The following MED12L variants were observed in gnomAD, a reference collection of about 807,000 sequenced individuals.
The protein encoded by MED12L is mediator complex subunit 12L.
A neutral mutation model predicts 281.3 loss-of-function variants in MED12L; 60 were observed. That is an observed-to-expected ratio of 0.21 (90% CI 0.17 to 0.26). The LOEUF is 0.26. Ranked by LOEUF, MED12L falls within the 10% of genes least tolerant of loss-of-function variation. The pLI is 1.00. For synonymous variants in MED12L, 974 were observed against 987.2 expected, an observed-to-expected ratio of 0.99 and a Z score of 0.25; for missense variants, 2,146 against 2,680.9, an observed-to-expected ratio of 0.80 and a Z score of 4.41.
intron 11 of MED12L, among the ~76,000 whole-genome samples, chr3:151,169,824 A>G (rs1721202731): frequency 6.6e-6 from 1 of 152,194 alleles, no homozygotes; most frequent in Non-Finnish European, 1.5e-5. Context: ...CACGATAGAT[A>G]AAACATGATC....
chr3:151,293,891 TG>T (rs1744675538), intron 16 of MED12L, among the ~76,000 whole-genome samples: 1 of 152,202 alleles, frequency 6.6e-6, no homozygotes, highest in African/African-American at 2.4e-5. Context: ...CAGCTTTTCC[TG>T]GAGGATGGCC....
intron 5 of MED12L, among the ~76,000 whole-genome samples, chr3:151,143,447 A>G (rs1331827507): frequency 6.6e-6 from 1 of 152,242 alleles, no homozygotes; most frequent in Non-Finnish European, 1.5e-5. Flanking sequence ...TTTGCTCCTC[A>G]GATGATTGGG....
intron 42 of MED12L, among the ~76,000 whole-genome samples, chr3:151,414,361 A>C (rs1405914267): frequency 6.6e-6 from 1 of 152,228 alleles, no homozygotes; most frequent in East Asian, 1.9e-4. Context: ...CAGAACACCA[A>C]AAATGAGGAA....
chr3:151,323,724 T>C (rs549803617), intron 16 of MED12L, among the ~76,000 whole-genome samples: 41 of 152,348 alleles, frequency 2.7e-4, no homozygotes, highest in African/African-American at 9.1e-4. Context: ...TGAGTCATTA[T>C]AATCTGTGTT....
At chr3:151,175,683 T>C (rs1721958225) in intron 11 of MED12L, among the ~76,000 whole-genome samples, 2 of 152,224 alleles carry the variant, frequency 1.3e-5, no homozygotes, top group Admixed American at 1.3e-4. Context: ...TATTAGGTTA[T>C]TGAATTGCTG....
At chr3:151,111,681 C>T (rs931819249) in intron 2 of MED12L, among the ~76,000 whole-genome samples, 36 of 152,184 alleles carry the variant, frequency 2.4e-4, no homozygotes, top group Non-Finnish European at 2.2e-4. Flanking sequence ...CGTGTTGCAG[C>T]ACGAGCAAGA....
intron 16 of MED12L, 127 bp from the exon 17 acceptor site, chr3:151,349,932 G>C: frequency 2.9e-6 from 2 of 681,154 alleles, no homozygotes; most frequent in South Asian, 5.9e-5. Context: ...GAGGTGAATT[G>C]AAGGGAGGGC....
Position 151,389,858 on chromosome 3 carries a change from T to TA in MED12L, c.5452-115dup, listed in dbSNP as rs1713958622. ...ACTCTTCCTTCCATCTTCTCCTTTA[T>TA]AAAAAACAGCTTTGTACATTGGGAT... On this transcript the variant is annotated intron_variant, in intron 37 of 44. Coordinates refer to ENST00000687756, the MANE Select transcript of MED12L (RefSeq NM_001393769.1). 1.5e-5 allele frequency: 14 copies of TA among 915,912 alleles called. No homozygotes were observed. The South Asian group carries it at 2.3e-4, about 15-fold the overall frequency. The allele number at this position is 915,912 out of a possible 1,614,324, so 56.7% of individuals were successfully genotyped here. A position where few individuals can be genotyped will look rare whatever the true frequency, so the allele number is the denominator to read the frequency against.
intron 11 of MED12L, among the ~76,000 whole-genome samples, chr3:151,173,794 G>A (rs780103930): frequency 6.6e-6 from 1 of 152,176 alleles, no homozygotes; most frequent in Non-Finnish European, 1.5e-5. Flanking sequence ...TACATGATAA[G>A]CACTTAGTAA....
intron 11 of MED12L, among the ~76,000 whole-genome samples, chr3:151,182,536 G>A (rs1458243221): frequency 1.3e-5 from 2 of 152,164 alleles, no homozygotes; most frequent in African/African-American, 2.4e-5. Flanking sequence ...TTTTAGGGCA[G>A]ATAAGGGGCT....
intron 16 of MED12L, among the ~76,000 whole-genome samples, chr3:151,250,525 T>C (rs1736643351): frequency 6.6e-6 from 1 of 152,218 alleles, no homozygotes; most frequent in South Asian, 2.1e-4. Flanking sequence ...AATCATACAG[T>C]ATTTGTCCTT....
intron 17 of MED12L, among the ~76,000 whole-genome samples, chr3:151,354,303 C>CAGTT (rs1222875457): frequency 6.6e-6 from 1 of 151,860 alleles, no homozygotes; most frequent in African/African-American, 2.4e-5. Flanking sequence ...ATTGTTAGAA[C>CAGTT]AGTTAAGAAG....
chr3:151,393,928 A>G (rs543021186), intron 38 of MED12L, among the ~76,000 whole-genome samples: 2 of 152,266 alleles, frequency 1.3e-5, no homozygotes, highest in South Asian at 4.1e-4. Context: ...ATCAAGGACT[A>G]TTTTTGGTGA....
Position 151,428,935 on chromosome 3 carries a change from A to T in MED12L, c.6409-1364A>T, listed in dbSNP as rs562532852. 5.3e-5 allele frequency among the ~76,000 whole-genome samples: 8 copies of T among 152,322 alleles called. No homozygotes were observed. The South Asian group carries it at 1.4e-3, about 28-fold the overall frequency. On this transcript the variant is annotated intron_variant, in intron 43 of 44. Transcript: ENST00000687756. ...GGACGTGCTGCGTTTTTATTTGCTA[A>T]ATCTAGCAACTGTACTTACAATCCT... is the stretch of plus-strand genomic sequence containing the variant.
intron 16 of MED12L, among the ~76,000 whole-genome samples, chr3:151,248,260 T>A (rs1736138923): frequency 6.6e-6 from 1 of 152,120 alleles, no homozygotes; most frequent in African/African-American, 2.4e-5. Context: ...GAGACCTATT[T>A]AATTCCTATT....
intron 11 of MED12L, among the ~76,000 whole-genome samples, chr3:151,173,074 C>CTT (rs75490096): frequency 0.016 from 2,215 of 140,360 alleles, 46 homozygotes; most frequent in African/African-American, 0.046. Context: ...TATTATGCGA[C>CTT]TTTTTTTTTT....
At chr3:151,298,535 A>G (rs1383676535) in intron 16 of MED12L, among the ~76,000 whole-genome samples, 1 of 152,240 alleles carries the variant, frequency 6.6e-6, no homozygotes, top group East Asian at 1.9e-4. Flanking sequence ...AATTGAGAGT[A>G]AAACCTACTT....
In MED12L at chr3:151,086,881, C is replaced by T. The variant is rs1365172104; in HGVS notation, c.-46C>T. 6.7e-7 allele frequency: 1 copy of T among 1,483,616 alleles called. No individual in the cohort carries two copies. The highest frequency in any genetic ancestry group is 1.2e-5 in the South Asian group (1 of 80,140). 91.9% of individuals were successfully genotyped at this position (1,483,616 alleles called of 1,614,324 possible). On this transcript the variant is annotated 5_prime_UTR_variant, in exon 2 of 45. Transcript: ENST00000687756. ...GCTCCCTGGTGCTCAGAGGCGGCTG[C>T]TCCAGCTCCAACTCTCATTCATTTC... is the stretch of plus-strand genomic sequence containing the variant.
At chr3:151,364,138 C>G (rs1267855020) in intron 21 of MED12L, among the ~76,000 whole-genome samples, 1 of 152,136 alleles carries the variant, frequency 6.6e-6, no homozygotes, top group Non-Finnish European at 1.5e-5. Context: ...GATATGCTAC[C>G]TACAGAAGGT....
Sources: allele counts gnomAD v4.1 joint callset (sites outside exome capture counted in the v4.1 genomes callset), GRCh38; gene constraint gnomAD v4.1.1; transcripts MANE v1.5; gene names NCBI Gene and HGNC (gene_info 2026-07-23, HGNC 2026-07-21).